Variants in PRIM2 observed in about 807,000 individuals in gnomAD.
The protein encoded by PRIM2 is DNA primase subunit 2.
In PRIM2, 39 loss-of-function variants were observed where a neutral mutation model predicts 67.3. The ratio of observed to expected loss-of-function variants is 0.58; its 90% CI spans 0.45 to 0.76. The LOEUF is 0.76. Ranked by LOEUF, PRIM2 falls within the 30% of genes least tolerant of loss-of-function variation. PRIM2 has a pLI of 0.00. For synonymous variants in PRIM2, 143 were observed against 198.7 expected (o/e 0.72, Z 2.36); for missense variants, 398 against 598.7 (o/e 0.66, Z 3.50).
chr6:57,620,271 C>A (rs1776827938), intron 12 of PRIM2, among the ~76,000 whole-genome samples: 1 of 152,074 alleles, frequency 6.6e-6, no homozygotes, highest in African/African-American at 2.4e-5. Flanking sequence ...TCAGGTTATC[C>A]AAAGTTAAGA....
intron 7 of PRIM2, among the ~76,000 whole-genome samples, chr6:57,452,006 C>T: frequency 6.7e-6 from 1 of 149,312 alleles, no homozygotes; most frequent in South Asian, 2.2e-4. Context: ...TTGTTCAGTT[C>T]CCACCTATGA....
chr6:57,643,441 A>G (rs1365396904), intron 13 of PRIM2, among the ~76,000 whole-genome samples: 13 of 152,324 alleles, frequency 8.5e-5, no homozygotes, highest in Admixed American at 8.5e-4. Context: ...TAATTCTATG[A>G]CCTTGAATAA....
At chr6:57,539,097 C>T (rs1371012353) in intron 10 of PRIM2, among the ~76,000 whole-genome samples, 5 of 152,050 alleles carry the variant, frequency 3.3e-5, no homozygotes, top group African/African-American at 7.2e-5. Flanking sequence ...CTGTCTTCAT[C>T]GACAATTATC....
chr6:57,637,217 A>T (rs1469024229), intron 13 of PRIM2, among the ~76,000 whole-genome samples: 2 of 152,232 alleles, frequency 1.3e-5, no homozygotes, highest in African/African-American at 2.4e-5. Flanking sequence ...TTCAACATCA[A>T]TAAAAAGGAG....
At chr6:57,495,890 C>G (rs1230652727) in intron 7 of PRIM2, among the ~76,000 whole-genome samples, 11 of 152,148 alleles carry the variant, frequency 7.2e-5, no homozygotes, top group African/African-American at 2.4e-4. Flanking sequence ...ATTACAGGCA[C>G]GTGCCACCAC....
intron 8 of PRIM2, among the ~76,000 whole-genome samples, chr6:57,530,613 C>T (rs1445781745): frequency 1.3e-5 from 2 of 152,196 alleles, no homozygotes; most frequent in East Asian, 3.8e-4. Flanking sequence ...CTTCTGGTTT[C>T]CCTCAGTATT....
the PRIM2 span, among the ~76,000 whole-genome samples, chr6:57,265,838 G>C: frequency 2.3e-4 from 35 of 152,124 alleles, no homozygotes; most frequent in Non-Finnish European, 4.0e-4. Flanking sequence ...TTCCAAATCT[G>C]AGTACACTTT....
intron 13 of PRIM2, among the ~76,000 whole-genome samples, chr6:57,637,771 A>G (rs1322626399): frequency 6.6e-6 from 1 of 152,188 alleles, no homozygotes; most frequent in African/African-American, 2.4e-5. Flanking sequence ...GACCAAACCT[A>G]TGTTTGATTC....
At chr6:57,591,226 T>C (rs1776276852) in intron 10 of PRIM2, among the ~76,000 whole-genome samples, 1 of 152,194 alleles carries the variant, frequency 6.6e-6, no homozygotes. Flanking sequence ...CACCATATAT[T>C]AAATGCCTAC....
At chr6:57,222,874 T>A in the PRIM2 span, among the ~76,000 whole-genome samples, 1 of 152,172 alleles carries the variant, frequency 6.6e-6, no homozygotes. Context: ...CTGGAACAAC[T>A]CCTTTGAAAA....
At chr6:57,294,488 A>C in the PRIM2 span, among the ~76,000 whole-genome samples, 6 of 152,150 alleles carry the variant, frequency 3.9e-5, no homozygotes, top group African/African-American at 7.2e-5. Context: ...CTGCAAAAAA[A>C]TAAGAAAACC....
intron 7 of PRIM2, among the ~76,000 whole-genome samples, chr6:57,506,792 AGTATTG>A (rs1475786731): frequency 1.3e-5 from 2 of 152,122 alleles, no homozygotes; most frequent in African/African-American, 4.8e-5. Context: ...GTTGGTACAC[AGTATTG>A]GCTCTGACTT....
rs548840795 is a variant in PRIM2 at position 57,360,120 on chromosome 6, A to G, written c.460-19781A>G. Among the ~76,000 whole-genome samples the G allele has an allele frequency of 4.6e-5, 7 of 152,350 alleles. 1 individual carries two copies. In the South Asian group the frequency reaches 8.3e-4, roughly 18 times the overall value. ...AAGTTTAATGAGTGTACTTCATAGT[A>G]TAGATTGTGGACAGTCCTTTTTGCT... On this transcript the variant is annotated intron_variant, in intron 5 of 13. Transcript: ENST00000615550.
At chr6:57,490,150 C>G (rs1336220676) in intron 7 of PRIM2, among the ~76,000 whole-genome samples, 9 of 152,164 alleles carry the variant, frequency 5.9e-5, no homozygotes, top group Non-Finnish European at 5.9e-5. Flanking sequence ...TTATACCCTA[C>G]TGAGATTGCC....
intron 7 of PRIM2, among the ~76,000 whole-genome samples, chr6:57,405,530 T>A (rs1262822092): frequency 2.2e-5 from 3 of 137,810 alleles, no homozygotes; most frequent in African/African-American, 8.2e-5. Context: ...TAAACTAACT[T>A]TCTCATAGTA....
At chr6:57,453,822 T>C (rs1772648978) in intron 7 of PRIM2, among the ~76,000 whole-genome samples, 1 of 152,168 alleles carries the variant, frequency 6.6e-6, no homozygotes, top group Non-Finnish European at 1.5e-5. Flanking sequence ...TCCAACACTG[T>C]GTTGAATAGG....
At chr6:57,305,706 A>C in the PRIM2 span, among the ~76,000 whole-genome samples, 15 of 152,194 alleles carry the variant, frequency 9.9e-5, no homozygotes, top group African/African-American at 3.4e-4. Context: ...TTTAAACACA[A>C]ATAAGATGAT....
intron 8 of PRIM2, among the ~76,000 whole-genome samples, chr6:57,512,253 G>C (rs1423064545): frequency 6.6e-6 from 1 of 152,236 alleles, no homozygotes; most frequent in Admixed American, 6.5e-5. Flanking sequence ...CTGAGGACAT[G>C]TAAGGAAAAA....
intron 5 of PRIM2, among the ~76,000 whole-genome samples, chr6:57,348,812 ATCTC>A (rs2127299280): frequency 7.3e-6 from 1 of 136,460 alleles, no homozygotes; most frequent in East Asian, 2.1e-4. Flanking sequence ...CAGTGGCGCG[ATCTC>A]GGCTCACTGC....
Sources: allele counts gnomAD v4.1 joint callset (sites outside exome capture counted in the v4.1 genomes callset), GRCh38; gene constraint gnomAD v4.1.1; transcripts MANE v1.5; gene names NCBI Gene and HGNC (gene_info 2026-07-23, HGNC 2026-07-21).